The following RIMKLB variants were observed in gnomAD, a reference collection of about 807,000 sequenced individuals.
RIMKLB encodes ribosomal modification protein rimK like family member B.
Under a neutral mutation model 32.0 loss-of-function variants are expected in RIMKLB, and 7 were observed. That is an observed-to-expected ratio of 0.22 (90% CI 0.12 to 0.41). The LOEUF is 0.41. Ranked by LOEUF, RIMKLB falls within the 10% of genes least tolerant of loss-of-function variation. RIMKLB has a pLI of 1.00. For synonymous variants in RIMKLB, 172 were observed against 185.1 expected (o/e 0.93, Z 0.57); for missense variants, 289 against 498.7 (o/e 0.58, Z 4.00).
intron 1 of RIMKLB, among the ~76,000 whole-genome samples, chr12:8,685,754 T>G (rs896700884): frequency 6.6e-6 from 1 of 151,306 alleles, no homozygotes; most frequent in Non-Finnish European, 1.5e-5. Context: ...AGTGATTCTC[T>G]TGCCTCAGCT....
intron 1 of RIMKLB, among the ~76,000 whole-genome samples, chr12:8,699,178 TTA>T (rs1204723519): frequency 6.6e-6 from 1 of 152,138 alleles, no homozygotes; most frequent in Admixed American, 6.5e-5. Flanking sequence ...TTCCCATTAG[TTA>T]TATATATTGT....
At chr12:8,761,337 T>C (rs1804674878) in intron 5 of RIMKLB, among the ~76,000 whole-genome samples, 1 of 152,068 alleles carries the variant, frequency 6.6e-6, no homozygotes, top group Non-Finnish European at 1.5e-5. Context: ...AAATAAACCT[T>C]CTTTGGATAG....
At chr12:8,706,147 T>C (rs1416286607) in intron 1 of RIMKLB, among the ~76,000 whole-genome samples, 4 of 152,170 alleles carry the variant, frequency 2.6e-5, no homozygotes. Context: ...TTGTTTTGTT[T>C]TTTGTTTTTG....
At chr12:8,769,830 G>A (rs1284566904) in intron 5 of RIMKLB, among the ~76,000 whole-genome samples, 1 of 151,962 alleles carries the variant, frequency 6.6e-6, no homozygotes, top group Non-Finnish European at 1.5e-5. Flanking sequence ...ACTTTCCCCT[G>A]GTGTTCCTTG....
At chr12:8,746,577 G>A (rs1248155291) in intron 2 of RIMKLB, among the ~76,000 whole-genome samples, 6 of 143,144 alleles carry the variant, frequency 4.2e-5, no homozygotes, top group Non-Finnish European at 9.0e-5. Context: ...CAGCCTGGGC[G>A]ACAGAGTTGA....
chr12:8,778,772 G>A (rs1449807304), downstream of RIMKLB, among the ~76,000 whole-genome samples: 1 of 152,108 alleles, frequency 6.6e-6, no homozygotes, highest in Non-Finnish European at 1.5e-5. Flanking sequence ...AAGTAATCAG[G>A]ACCTTTTCAA....
intron 2 of RIMKLB, among the ~76,000 whole-genome samples, chr12:8,718,637 G>GTCTCTC (rs759765108): frequency 4.9e-4 from 67 of 136,306 alleles, no homozygotes; most frequent in Admixed American, 9.6e-4. Flanking sequence ...GCGAGACTCC[G>GTCTCTC]TCTCTCTCTC....
chr12:8,747,247 G>A (rs998296791), intron 2 of RIMKLB, among the ~76,000 whole-genome samples: 3 of 152,156 alleles, frequency 2.0e-5, no homozygotes, highest in African/African-American at 7.2e-5. Context: ...ATACGGCTTT[G>A]CATATTTGAC....
At chr12:8,740,850 A>C (rs1413263466) in intron 2 of RIMKLB, among the ~76,000 whole-genome samples, 1 of 152,178 alleles carries the variant, frequency 6.6e-6, no homozygotes, top group African/African-American at 2.4e-5. Flanking sequence ...AGGTGGGCAG[A>C]TCACTTGAGG....
intron 2 of RIMKLB, among the ~76,000 whole-genome samples, chr12:8,741,111 CAGA>C (rs1374240167): frequency 1.3e-5 from 2 of 152,088 alleles, no homozygotes; most frequent in Admixed American, 6.6e-5. Context: ...GAGGCTGGAG[CAGA>C]AGAATTGCTT....
chr12:8,766,850 G>C (rs1038299052), intron 5 of RIMKLB, among the ~76,000 whole-genome samples: 1 of 152,244 alleles, frequency 6.6e-6, no homozygotes, highest in South Asian at 2.1e-4. Context: ...CATACTTTAA[G>C]ATTTGAGTTA....
intron 5 of RIMKLB, among the ~76,000 whole-genome samples, chr12:8,772,118 A>T (rs931121466): frequency 4.6e-5 from 7 of 152,098 alleles, no homozygotes; most frequent in African/African-American, 1.7e-4. Flanking sequence ...TGAACTCCTG[A>T]CCTCAAGTGA....
intron 5 of RIMKLB, among the ~76,000 whole-genome samples, chr12:8,757,011 T>A (rs1031623938): frequency 2.0e-5 from 3 of 152,162 alleles, no homozygotes; most frequent in Non-Finnish European, 4.4e-5. Flanking sequence ...AAATGACTTC[T>A]GCCTCCTTGA....
At chr12:8,772,835 T>A (rs1369210380) in intron 5 of RIMKLB, among the ~76,000 whole-genome samples, 1 of 152,234 alleles carries the variant, frequency 6.6e-6, no homozygotes, top group East Asian at 1.9e-4. Flanking sequence ...ACTTCACTTA[T>A]ATCCAGCCAG....
rs117773830 is a variant in RIMKLB at position 8,751,862 on chromosome 12, T to G, written c.407-95T>G. On this transcript the variant is annotated intron_variant, in intron 3 of 5. Coordinates refer to ENST00000535829, the MANE Select transcript of RIMKLB (RefSeq NM_001297776.2). ...TAGCCATCAGGCTCTTACCTTCAAC[T>G]TCCTTGTGCTGTTGGTTGTCTTTAG... 1.4e-3 allele frequency: 1,076 copies of G among 775,402 alleles called. 3 individuals carry two copies. The highest frequency in any genetic ancestry group is 1.9e-3 in the Non-Finnish European group (859 of 455,546). 48.0% of individuals were successfully genotyped at this position (775,402 alleles called of 1,614,324 possible).
At chr12:8,771,700 A>G (rs1950411909) in intron 5 of RIMKLB, among the ~76,000 whole-genome samples, 1 of 151,144 alleles carries the variant, frequency 6.6e-6, no homozygotes, top group African/African-American at 2.4e-5. Flanking sequence ...TTTTATTGGG[A>G]TTTTGTAGAT....
chr12:8,708,871 A>G (rs1246720387), intron 1 of RIMKLB, among the ~76,000 whole-genome samples: 13 of 152,210 alleles, frequency 8.5e-5, no homozygotes, highest in Admixed American at 8.5e-4. Flanking sequence ...AAAACTCTCA[A>G]AAATAAACTC....
At chr12:8,708,868 T>C (rs1357861470) in intron 1 of RIMKLB, among the ~76,000 whole-genome samples, 1 of 152,206 alleles carries the variant, frequency 6.6e-6, no homozygotes, top group African/African-American at 2.4e-5. Context: ...GGGAAAACTC[T>C]CAAAAATAAA....
downstream of RIMKLB, chr12:8,777,895 G>A: frequency 5.3e-6 from 1 of 189,116 alleles, no homozygotes; most frequent in Non-Finnish European, 1.1e-5. Flanking sequence ...AGTAACCATG[G>A]GTTTGTCATA....
Sources: allele counts gnomAD v4.1 joint callset (sites outside exome capture counted in the v4.1 genomes callset), GRCh38; gene constraint gnomAD v4.1.1; transcripts MANE v1.5; gene names NCBI Gene and HGNC (gene_info 2026-07-23, HGNC 2026-07-21).